HAVCR1: variants seen among roughly 807,000 people sequenced by gnomAD.
HAVCR1 encodes the protein T cell immunoglobin domain and mucin domain protein 1.
A neutral mutation model predicts 32.0 loss-of-function variants in HAVCR1; 34 were observed. The observed-to-expected ratio is 1.06, with a 90% CI of 0.81 to 1.42. The LOEUF (loss-of-function observed/expected upper bound fraction) is 1.42, where lower values mean the gene tolerates loss of function less well. Ranked by LOEUF, HAVCR1 falls within the 40% of genes most tolerant of loss-of-function variation. The pLI, the probability that HAVCR1 is intolerant of heterozygous loss-of-function variation, is 0.00. For missense variants in HAVCR1, 420 were observed against 442.3 expected (o/e 0.95, Z 0.45); for synonymous variants, 178 against 170.3 (o/e 1.05, Z -0.35).
chr5:157,043,837 G>T (rs190875711), intron 5 of HAVCR1, among the ~76,000 whole-genome samples: 11 of 152,296 alleles, frequency 7.2e-5, no homozygotes, highest in African/African-American at 2.4e-4. Context: ...GTTAAACGAT[G>T]ATTTCTAATT....
chr5:157,047,608 A>T (rs1755483672), intron 5 of HAVCR1, among the ~76,000 whole-genome samples: 1 of 152,066 alleles, frequency 6.6e-6, no homozygotes. Flanking sequence ...ATAGTCAAAC[A>T]CTTGGAGGTT....
At chr5:157,035,475 G>C (rs1290389501) in intron 7 of HAVCR1, among the ~76,000 whole-genome samples, 1 of 152,084 alleles carries the variant, frequency 6.6e-6, no homozygotes, top group Non-Finnish European at 1.5e-5. Flanking sequence ...TTAGCAGAAG[G>C]GAGACATGAA....
At chr5:157,064,758 C>T in the HAVCR1 span, among the ~76,000 whole-genome samples, 1 of 152,130 alleles carries the variant, frequency 6.6e-6, no homozygotes, top group African/African-American at 2.4e-5. Context: ...ATCTGAGCTA[C>T]TCAGGAGGCT....
chr5:157,039,615 C>T (rs535760776), intron 6 of HAVCR1, among the ~76,000 whole-genome samples: 1 of 152,334 alleles, frequency 6.6e-6, no homozygotes, highest in East Asian at 1.9e-4. Flanking sequence ...TCCCAAAGTG[C>T]TGGAATTACA....
At chr5:157,066,055 T>TAAAAAAAAAAAA in the HAVCR1 span, among the ~76,000 whole-genome samples, 39 of 66,910 alleles carry the variant, frequency 5.8e-4, 1 homozygote, top group African/African-American at 1.5e-3. Flanking sequence ...GACTCCGTCT[T>TAAAAAAAAAAAA]AAAAAAAAAA....
chr5:157,049,948 G>A (rs1755642640), intron 4 of HAVCR1, among the ~76,000 whole-genome samples: 1 of 152,106 alleles, frequency 6.6e-6, no homozygotes, highest in Non-Finnish European at 1.5e-5. Flanking sequence ...TTTCCTATCA[G>A]ATATCTCACC....
At chr5:157,046,031 T>C (rs1755376915) in intron 5 of HAVCR1, among the ~76,000 whole-genome samples, 1 of 152,250 alleles carries the variant, frequency 6.6e-6, no homozygotes, top group Non-Finnish European at 1.5e-5. Flanking sequence ...TTTGCTTTTG[T>C]GCCTGGAAAC....
the HAVCR1 span, among the ~76,000 whole-genome samples, chr5:157,065,930 C>T: frequency 6.6e-6 from 1 of 151,430 alleles, no homozygotes; most frequent in Non-Finnish European, 1.5e-5. Flanking sequence ...GTGGCGGGCG[C>T]CTATAGTCCC....
chr5:157,038,397 G>A (rs1031317018), intron 6 of HAVCR1, among the ~76,000 whole-genome samples: 1 of 152,158 alleles, frequency 6.6e-6, no homozygotes, highest in African/African-American at 2.4e-5. Flanking sequence ...GAGAATCTGA[G>A]TGAAGGACAA....
At chr5:157,055,712 A>C (rs1242195277) in intron 2 of HAVCR1, among the ~76,000 whole-genome samples, 179 bp from the exon 3 acceptor site, 2 of 151,914 alleles carry the variant, frequency 1.3e-5, no homozygotes, top group African/African-American at 4.8e-5. Flanking sequence ...CTAAAAAAAA[A>C]ATTACAAAAA....
Position 157,052,649 on chromosome 5 carries a change from C to A in HAVCR1, c.385G>T (p.Val129Phe). 1 of 1,612,954 alleles carries A rather than the reference C, an allele frequency of 6.2e-7. No homozygotes were observed. The change falls in exon 4 of 9, where the codon GTC (valine) becomes TTC (phenylalanine). Residue 129 changes from valine to phenylalanine, a missense_variant. Physicochemically the swap from Val to Phe is conservative, Grantham distance 50. Coordinates refer to ENST00000523175, the MANE Select transcript of HAVCR1 (RefSeq NM_001173393.3). ...TVSLEIVPPK[V>F]TTTPIVTTVP... Reference sequence around the variant, plus strand: ...GTTGTGACAATTGGAGTAGTCGTGACCTTGGCTGGAGTCAGAAATCAACAT... The same window carrying A: ...GTTGTGACAATTGGAGTAGTCGTGAACTTGGCTGGAGTCAGAAATCAACAT...
At chr5:157,046,963 A>G (rs750783459) in intron 5 of HAVCR1, among the ~76,000 whole-genome samples, 19 of 152,172 alleles carry the variant, frequency 1.2e-4, no homozygotes, top group Non-Finnish European at 2.5e-4. Flanking sequence ...ATCTATCAAC[A>G]TGAATTTAGG....
intron 4 of HAVCR1, among the ~76,000 whole-genome samples, chr5:157,050,181 G>A (rs896620451): frequency 2.4e-4 from 37 of 152,058 alleles, no homozygotes; most frequent in African/African-American, 8.7e-4. Flanking sequence ...ACTTTTTCCT[G>A]TTTTCCTCTA....
At chr5:157,034,050 G>T (rs947962857) in intron 7 of HAVCR1, among the ~76,000 whole-genome samples, 9 of 152,190 alleles carry the variant, frequency 5.9e-5, no homozygotes, top group African/African-American at 2.2e-4. Context: ...CATCAGGTGG[G>T]ACAAGAGACT....
At chr5:157,041,370 C>A (rs1286881587) in intron 6 of HAVCR1, among the ~76,000 whole-genome samples, 1 of 152,010 alleles carries the variant, frequency 6.6e-6, no homozygotes, top group Non-Finnish European at 1.5e-5. Context: ...TGGTGGTATG[C>A]ACCTGTAATC....
rs189039421 is a variant in HAVCR1 at position 157,047,896 on chromosome 5, C to A, written c.781+1142G>T. On this transcript the variant is annotated intron_variant, in intron 5 of 8. Coordinates refer to ENST00000523175, the MANE Select transcript of HAVCR1 (RefSeq NM_001173393.3). ...GGGAGGGGCAGTCTTGGGGACTGAG[C>A]CCCTTACCTGTGGGATATGACCCTC... 1.7e-4 allele frequency among the ~76,000 whole-genome samples: 26 copies of A among 152,182 alleles called. 1 individual carries two copies. Among genetic ancestry groups the A allele is most frequent in the African/African-American group, 6.0e-4 (25 of 41,540 alleles).
At chr5:157,031,178 C>T (rs961915570) in intron 8 of HAVCR1, among the ~76,000 whole-genome samples, 2 of 152,132 alleles carry the variant, frequency 1.3e-5, no homozygotes, top group Non-Finnish European at 2.9e-5. Flanking sequence ...AGAATAGTGC[C>T]TCTCTCGCAG....
chr5:157,041,537 T>C (rs1402072599), intron 6 of HAVCR1, among the ~76,000 whole-genome samples: 2 of 152,032 alleles, frequency 1.3e-5, no homozygotes, highest in East Asian at 1.9e-4. Context: ...AGTCATCCCA[T>C]GGGGAGGTTT....
chr5:157,062,691 C>G (rs1203030411), upstream of HAVCR1, among the ~76,000 whole-genome samples: 2 of 152,188 alleles, frequency 1.3e-5, no homozygotes, highest in East Asian at 3.8e-4. Flanking sequence ...TCTTCCTGCC[C>G]TGCCCACTGC....
Sources: gnomAD v4.1 joint callset for allele counts (sites outside exome capture counted in the v4.1 genomes callset) on GRCh38, gnomAD v4.1.1 for gene constraint, MANE v1.5 for transcripts, NCBI Gene and HGNC (gene_info 2026-07-23, HGNC 2026-07-21) for gene names.